The following VPS13B variants were observed in gnomAD, a reference collection of about 807,000 sequenced individuals.
VPS13B encodes intermembrane lipid transfer protein VPS13B.
A neutral mutation model predicts 426.4 loss-of-function variants in VPS13B; 285 were observed. That is an observed-to-expected ratio of 0.67 (90% CI 0.61 to 0.74). VPS13B has a LOEUF of 0.74. Ranked by LOEUF, VPS13B falls within the 30% of genes least tolerant of loss-of-function variation. The pLI is 0.00. For missense variants in VPS13B, 4,537 were observed against 4,782.6 expected (o/e 0.95, Z 1.51); for synonymous variants, 1,676 against 1,676.4 (o/e 1.00, Z 0.01).
chr8:99,714,750 C>T (rs1054123052), intron 36 of VPS13B, among the ~76,000 whole-genome samples: 6 of 152,110 alleles, frequency 3.9e-5, no homozygotes, highest in African/African-American at 1.4e-4. Flanking sequence ...CAGACAGACA[C>T]GTTGCAGAAT....
At chr8:99,436,645 G>T (rs1417668160) in intron 22 of VPS13B, among the ~76,000 whole-genome samples, 1 of 152,086 alleles carries the variant, frequency 6.6e-6, no homozygotes, top group Admixed American at 6.6e-5. Flanking sequence ...AACATTTCCA[G>T]ATGTTAATGT....
At chr8:99,433,682 A>C (rs1480130640) in intron 22 of VPS13B, among the ~76,000 whole-genome samples, 1 of 152,230 alleles carries the variant, frequency 6.6e-6, no homozygotes, top group Non-Finnish European at 1.5e-5. Flanking sequence ...AGTATATCAG[A>C]AAGTATAAAT....
intron 19 of VPS13B, among the ~76,000 whole-genome samples, chr8:99,311,886 T>A (rs932847910): frequency 2.6e-5 from 4 of 152,142 alleles, no homozygotes; most frequent in Non-Finnish European, 4.4e-5. Context: ...TAGGGTAGTT[T>A]GCTCTTCTTG....
chr8:99,241,055 CAT>C (rs1393907833), intron 17 of VPS13B: 2 of 152,290 alleles, frequency 1.3e-5, no homozygotes, highest in East Asian at 3.9e-4. Context: ...TTTTGAAGTC[CAT>C]ATGTGTGTGT....
intron 17 of VPS13B, among the ~76,000 whole-genome samples, chr8:99,250,255 A>C (rs1177296493): frequency 6.6e-6 from 1 of 152,080 alleles, no homozygotes; most frequent in Admixed American, 6.5e-5. Flanking sequence ...AAGCCTCTTT[A>C]TACTATTCTA....
intron 13 of VPS13B, among the ~76,000 whole-genome samples, chr8:99,143,378 G>T (rs922136436): frequency 1.3e-5 from 2 of 152,066 alleles, no homozygotes; most frequent in African/African-American, 4.8e-5. Context: ...TACTTTATTT[G>T]CCAGTATTTG....
In VPS13B at chr8:99,228,862, A is replaced by G. The variant is rs537952088; in HGVS notation, c.2515+35805A>G. On this transcript the variant is annotated intron_variant, in intron 17 of 61. Transcript: ENST00000357162. ...AGCCGTGAGAAAACAGCAGATGATT[A>G]TATTTGAAGGCTTCAGAGAAGAGTT... 1.3e-5 allele frequency among the ~76,000 whole-genome samples: 2 copies of G among 152,232 alleles called. 1 individual carries two copies. The highest frequency in any genetic ancestry group is 4.1e-4 in the South Asian group (2 of 4,824).
chr8:99,403,054 T>A (rs1210820805), intron 21 of VPS13B, among the ~76,000 whole-genome samples: 3 of 152,226 alleles, frequency 2.0e-5, no homozygotes, highest in Non-Finnish European at 4.4e-5. Flanking sequence ...TGTGGCAGAC[T>A]ACTTATTGAA....
In VPS13B at chr8:99,176,148, T is replaced by TC. The variant is rs536659199; in HGVS notation, c.2333+5985_2333+5986insC. ...TAAAATACTATAAACTTTTGTTTTT[T>TC]TTTTTTGAGACGAAGTCTTGGTCTG... On this transcript the variant is annotated intron_variant, in intron 16 of 61. Transcript: ENST00000357162. Among the ~76,000 whole-genome samples the TC allele has an allele frequency of 1.8e-4, 28 of 152,314 alleles. No individual in the cohort carries two copies. In the East Asian group the frequency reaches 4.8e-3, roughly 26 times the overall value.
intron 16 of VPS13B, among the ~76,000 whole-genome samples, chr8:99,188,773 A>G (rs999154890): frequency 2.0e-5 from 3 of 152,156 alleles, no homozygotes; most frequent in Admixed American, 6.5e-5. Flanking sequence ...TCTGATGGGT[A>G]TGAAGTGGTA....
chr8:99,102,970 A>G lies in VPS13B; in HGVS notation c.430A>G (p.Ile144Val), dbSNP rs778330749. The G allele has an allele frequency of 6.2e-7, 1 of 1,608,576 alleles. No individual in the cohort carries two copies. Among genetic ancestry groups the G allele is most frequent in the East Asian group, 2.2e-5 (1 of 44,786 alleles). Residue 144 changes from isoleucine to valine, a missense_variant, in exon 5 of 62, where the codon ATT (isoleucine) becomes GTT (valine). Transcript: ENST00000357162. ...TTTTATAGGTTATGTGCAGAGTCTG[A>G]TTAGACGAGTTGTAAATAATGTAAA... ...DLPPGYVQSL[I>V]RRVVNNVNIV...
intron 33 of VPS13B, among the ~76,000 whole-genome samples, chr8:99,625,420 G>C (rs1828568231): frequency 2.0e-5 from 3 of 152,068 alleles, no homozygotes; most frequent in Admixed American, 2.0e-4. Context: ...AAGCAGTGGA[G>C]AAAATTTAAA....
At chr8:99,063,730 A>G (rs1423010712) in intron 3 of VPS13B, among the ~76,000 whole-genome samples, 1 of 152,192 alleles carries the variant, frequency 6.6e-6, no homozygotes, top group Non-Finnish European at 1.5e-5. Flanking sequence ...TTTTCCCAGC[A>G]TGGTGTTTGA....
rs181950475 is a variant in VPS13B at position 99,558,655 on chromosome 8, C to T, written c.4949+2002C>T. Among the ~76,000 whole-genome samples, 975 of 152,068 alleles carry T rather than the reference C, an allele frequency of 6.4e-3. 10 individuals carry two copies. The highest frequency in any genetic ancestry group is 0.023 in the African/African-American group (937 of 41,492). On this transcript the variant is annotated intron_variant, in intron 31 of 61. Coordinates refer to ENST00000357162, the MANE Select transcript of VPS13B (RefSeq NM_152564.5). ...ATTCCCACCTATGAGTGAGAACATG[C>T]GGTGTTTGGTTTTCTGTCCTTGCAA...
chr8:99,870,649 C>T (rs952099018), intron 59 of VPS13B, 136 bp from the exon 60 acceptor site: 26 of 754,758 alleles, frequency 3.4e-5, no homozygotes, highest in South Asian at 4.6e-5. Flanking sequence ...ATTATCTATA[C>T]GCTTGCTTCC....
Position 99,430,928 on chromosome 8 carries a change from G to A in VPS13B, c.3083-609G>A, listed in dbSNP as rs374852639. Among the ~76,000 whole-genome samples, 36 of 152,250 alleles carry A rather than the reference G, an allele frequency of 2.4e-4. 2 individuals carry two copies. Among genetic ancestry groups the A allele is most frequent in the East Asian group, 1.3e-3 (7 of 5,186 alleles). Reference sequence around the variant, plus strand: ...AGACGGGGTTTCACCATGTTAGCCAGGCTTGTCTTGAACTCCTGACCTCAA... The same window carrying A: ...AGACGGGGTTTCACCATGTTAGCCAAGCTTGTCTTGAACTCCTGACCTCAA... On this transcript the variant is annotated intron_variant, in intron 21 of 61. Transcript: ENST00000357162.
intron 34 of VPS13B, among the ~76,000 whole-genome samples, chr8:99,650,445 T>G (rs1829762683): frequency 6.6e-6 from 1 of 152,160 alleles, no homozygotes; most frequent in African/African-American, 2.4e-5. Flanking sequence ...TATATACAAT[T>G]TTAAAATATA....
chr8:99,384,759 C>T (rs1024143158), intron 20 of VPS13B, among the ~76,000 whole-genome samples: 7 of 152,154 alleles, frequency 4.6e-5, no homozygotes, highest in East Asian at 1.9e-4. Context: ...GTGATTCTCT[C>T]GGGACTACCT....
chr8:99,821,155 CACACACACACA>C, intron 49 of VPS13B, 128 bp from the exon 50 acceptor site: 5 of 657,530 alleles, frequency 7.6e-6, no homozygotes, highest in Non-Finnish European at 1.0e-5. Context: ...CACACACACA[CACACACACACA>C]CCATGGAGGG....
Sources: gnomAD v4.1 joint callset for allele counts (sites outside exome capture counted in the v4.1 genomes callset) on GRCh38, gnomAD v4.1.1 for gene constraint, MANE v1.5 for transcripts, NCBI Gene and HGNC (gene_info 2026-07-23, HGNC 2026-07-21) for gene names.